The following IGFL4 variants were observed in gnomAD, a reference collection of about 807,000 sequenced individuals.
The protein encoded by IGFL4 is IGF like family member 4, also known as insulin growth factor-like family member 4.
Under a neutral mutation model 15.4 loss-of-function variants are expected in IGFL4, and 12 were observed. That is an observed-to-expected ratio of 0.78 (90% CI 0.50 to 1.26). The LOEUF is 1.26. Among genes scored for constraint, IGFL4 ranks in the 50% most tolerant of loss-of-function variants. The pLI is 0.00. For missense variants in IGFL4, 126 were observed against 147.8 expected (o/e 0.85, Z 0.76); for synonymous variants, 54 against 55.9 (o/e 0.97, Z 0.16).
At chr19:46,061,017 CT>C (rs1316660364) in intron 1 of IGFL4, among the ~76,000 whole-genome samples, 1 of 152,134 alleles carries the variant, frequency 6.6e-6, no homozygotes, top group Admixed American at 6.5e-5. Flanking sequence ...ACCTTTTGTA[CT>C]TTTATTCCAA....
Position 46,039,895 on chromosome 19 carries a change from G to T in IGFL4, c.372C>A (p.Ile124=). 2 of 1,611,146 alleles carry T rather than the reference G, an allele frequency of 1.2e-6. No individual in the cohort carries two copies. The highest frequency in any genetic ancestry group is 1.7e-6 in the Non-Finnish European group (2 of 1,177,258). ...PKSPVSRSDL[I] is the part of the protein sequence containing the mutation. ...GACTCTGCTACCCCAGAACAGTCTA[G>T]ATGAGGTCAGATCTTGACACAGGGC... Residue 124 remains isoleucine (I), a synonymous_variant, in exon 4 of 4, where the codon ATC becomes ATA. Transcript: ENST00000377697.
rs1170350198 is a variant in IGFL4, at chr19:46,040,650, C to G, written c.20-82G>C. 18 of 1,488,182 alleles carry G rather than the reference C, an allele frequency of 1.2e-5. No homozygotes were observed. The highest frequency in any genetic ancestry group is 1.7e-5 in the Non-Finnish European group (18 of 1,073,134). The allele number at this position is 1,488,182 out of a possible 1,614,324, so 92.2% of individuals were successfully genotyped here. A position where few individuals can be genotyped will look rare whatever the true frequency, so the allele number is the denominator to read the frequency against. On this transcript the variant is annotated intron_variant, in intron 1 of 3. Transcript: ENST00000377697. The surrounding 1 kb of genome is among the most constrained non-coding windows in gnomAD (Gnocchi z 4.1). ...GGCACAGGATGATGTCTCTGAGCTT[C>G]TCTGGTTGCTGTTAACAGCTCAGAG...
At chr19:46,041,454 G>A (rs961049532), upstream of IGFL4, among the ~76,000 whole-genome samples, 4 of 152,178 alleles carry the variant, frequency 2.6e-5, no homozygotes, top group East Asian at 1.9e-4. Context: ...TCAGAGTCAC[G>A]TAGGAGAATT....
chr19:46,060,663 A>G (rs1345252075), intron 1 of IGFL4, among the ~76,000 whole-genome samples: 1 of 152,212 alleles, frequency 6.6e-6, no homozygotes, highest in African/African-American at 2.4e-5. Flanking sequence ...ATTTAACATA[A>G]CAATTGTAAT....
upstream of IGFL4, among the ~76,000 whole-genome samples, chr19:46,077,300 TG>T (rs147479590): frequency 1.2e-3 from 179 of 152,282 alleles, no homozygotes; most frequent in East Asian, 0.033. This position sits in a 1 kb window ranked among gnomAD's most constrained non-coding sequence, Gnocchi z 5.4. Flanking sequence ...AGTCGCGCTA[TG>T]GGGGTGCACG....
At chr19:46,050,519 A>C (rs1286181180) in intron 2 of IGFL4, among the ~76,000 whole-genome samples, 3 of 152,244 alleles carry the variant, frequency 2.0e-5, no homozygotes, top group African/African-American at 7.2e-5. Flanking sequence ...AGAAATGCAA[A>C]ATGCACTGGA....
At chr19:46,045,750 CCT>C (rs1476773118), upstream of IGFL4, among the ~76,000 whole-genome samples, 1 of 152,006 alleles carries the variant, frequency 6.6e-6, no homozygotes, top group Non-Finnish European at 1.5e-5. Context: ...CTGAACAAAA[CCT>C]CTGAGAAATA....
At chr19:46,057,450 T>C (rs1057417662) in intron 2 of IGFL4, among the ~76,000 whole-genome samples, 7 of 152,308 alleles carry the variant, frequency 4.6e-5, no homozygotes, top group African/African-American at 1.7e-4. Context: ...TAGTTCCCCA[T>C]AAATCAGCCG....
intron 1 of IGFL4, among the ~76,000 whole-genome samples, chr19:46,060,974 T>G (rs191798159): frequency 1.4e-3 from 218 of 152,318 alleles, no homozygotes; most frequent in Middle Eastern, 6.8e-3. Flanking sequence ...TTAACAGATT[T>G]TCTTTAAAAA....
chr19:46,061,319 T>C lies in IGFL4; in HGVS notation c.-431-1026A>G, dbSNP rs529105995. Among the ~76,000 whole-genome samples the C allele has an allele frequency of 2.4e-3, 363 of 152,380 alleles. 2 individuals carry two copies. Among genetic ancestry groups the C allele is most frequent in the African/African-American group, 8.5e-3 (355 of 41,580 alleles). ...TGAAGATTACATAAGTCACATGAAC[T>C]AAAAGGCATTATAGTTTTTGTTTTT... On this transcript the variant is annotated intron_variant, in intron 1 of 5. Transcript: ENST00000601672.
chr19:46,047,217 A>G (rs1969304723), intron 2 of IGFL4, among the ~76,000 whole-genome samples: 2 of 152,338 alleles, frequency 1.3e-5, no homozygotes, highest in African/African-American at 2.4e-5. Context: ...ACTAAGAGAC[A>G]ATGTACCCGA....
chr19:46,054,294 A>G (rs1969373817), intron 2 of IGFL4, among the ~76,000 whole-genome samples: 1 of 152,180 alleles, frequency 6.6e-6, no homozygotes, highest in Non-Finnish European at 1.5e-5. Context: ...AGGGTGATCC[A>G]TGGGAGTCTA....
upstream of IGFL4, among the ~76,000 whole-genome samples, chr19:46,041,589 C>CA (rs1054198985): frequency 2.1e-5 from 3 of 141,268 alleles, no homozygotes; most frequent in African/African-American, 7.8e-5. Context: ...AAAGCAGCAC[C>CA]TTTTTTTTTT....
At chr19:46,066,841 G>A (rs970905310) in intron 1 of IGFL4, among the ~76,000 whole-genome samples, 17 of 152,224 alleles carry the variant, frequency 1.1e-4, no homozygotes, top group African/African-American at 4.1e-4. Context: ...ATGAGATTTG[G>A]AGAGGACATT....
At chr19:46,072,321 T>A (rs975691142) in intron 1 of IGFL4, among the ~76,000 whole-genome samples, 1 of 152,172 alleles carries the variant, frequency 6.6e-6, no homozygotes, top group Non-Finnish European at 1.5e-5. Context: ...GATGGCTTGA[T>A]GGAACTGGAA....
intron 2 of IGFL4, among the ~76,000 whole-genome samples, chr19:46,052,718 G>A (rs1442811388): frequency 1.8e-4 from 8 of 45,604 alleles, no homozygotes; most frequent in East Asian, 3.0e-4. Context: ...GTGAAACTCC[G>A]TCAAAAAAAA....
At chr19:46,075,424 AG>A (rs1269358492) in intron 1 of IGFL4, among the ~76,000 whole-genome samples, 1 of 152,128 alleles carries the variant, frequency 6.6e-6, no homozygotes, top group Non-Finnish European at 1.5e-5. Flanking sequence ...AGTACTGGTA[AG>A]GAACTTGCTT....
chr19:46,050,002 C>T (rs577247099), intron 2 of IGFL4, among the ~76,000 whole-genome samples: 4 of 152,326 alleles, frequency 2.6e-5, no homozygotes, highest in South Asian at 2.1e-4. Context: ...TCTTCGCAGA[C>T]ACTCCCCAGT....
At chr19:46,053,883 G>C (rs934613196) in intron 2 of IGFL4, among the ~76,000 whole-genome samples, 6 of 152,102 alleles carry the variant, frequency 3.9e-5, no homozygotes, top group African/African-American at 1.4e-4. Context: ...ATGTTGAGTA[G>C]TTTTTTCATA....
Sources: allele counts gnomAD v4.1 joint callset (sites outside exome capture counted in the v4.1 genomes callset), GRCh38; gene constraint gnomAD v4.1.1; non-coding constraint Gnocchi (gnomAD v3.1); transcripts MANE v1.5; gene names NCBI Gene and HGNC (gene_info 2026-07-23, HGNC 2026-07-21).